TNS1: variants seen among roughly 807,000 people sequenced by gnomAD.
The protein encoded by TNS1 is tensin-1.
TNS1 carries 62 observed loss-of-function variants against 168.6 expected under a neutral mutation model. The observed-to-expected ratio is 0.37, with a 90% CI of 0.30 to 0.45. The LOEUF (loss-of-function observed/expected upper bound fraction) is 0.45, where lower values mean the gene tolerates loss of function less well. Ranked by LOEUF, TNS1 falls within the 20% of genes least tolerant of loss-of-function variation. TNS1 has a pLI of 1.00. For synonymous variants in TNS1, 934 were observed against 933.2 expected (o/e 1.00, Z -0.02); for missense variants, 2,240 against 2,339.4 (o/e 0.96, Z 0.88).
intron 2 of TNS1, among the ~76,000 whole-genome samples, chr2:217,988,889 T>G (rs1200833262): frequency 6.6e-6 from 1 of 152,146 alleles, no homozygotes; most frequent in Non-Finnish European, 1.5e-5. Context: ...TTGGGGGGTG[T>G]GACCATCAGA....
At chr2:217,957,862 A>T (rs1017510412) in intron 3 of TNS1, among the ~76,000 whole-genome samples, 1 of 141,752 alleles carries the variant, frequency 7.1e-6, no homozygotes, top group Non-Finnish European at 1.5e-5. Context: ...AAAAAAAAAA[A>T]GGTGGGGAGA....
chr2:217,818,010 G>A lies in TNS1; in HGVS notation c.4322C>T (p.Ser1441Phe). The A allele has an allele frequency of 6.3e-7, 1 of 1,597,802 alleles. No homozygotes were observed. Among genetic ancestry groups the A allele is most frequent in the Non-Finnish European group, 8.5e-7 (1 of 1,172,156 alleles). The change falls in exon 24 of 33, where the codon TCC becomes TTC. Residue 1441 changes from serine to phenylalanine, a missense_variant. Physicochemically the swap from Ser to Phe is radical, Grantham distance 155. Around this residue, in one of 2 missense-constraint regions of TNS1, gnomAD observed 2,131 missense variants for 2,171.2 expected, o/e 0.98. Coordinates refer to ENST00000682258, the MANE Select transcript of TNS1 (RefSeq NM_001387777.1). ...GTAGCCAGAGGCACTGCTCTGCCGG[G>A]ACAGTGTGGGTCTCCGATCCTCCGG... ...STPEDRRPTL[S>F]RQSSASGYQA... is the part of the protein sequence containing the mutation.
intron 8 of TNS1, among the ~76,000 whole-genome samples, chr2:217,897,278 G>A (rs866287377): frequency 6.6e-6 from 1 of 152,174 alleles, no homozygotes; most frequent in African/African-American, 2.4e-5. Context: ...GGGCCAGGCC[G>A]AGCCAGGTGC....
intron 18 of TNS1, among the ~76,000 whole-genome samples, chr2:217,870,068 C>T (rs758957492): frequency 5.9e-5 from 9 of 151,858 alleles, no homozygotes; most frequent in South Asian, 2.1e-4. Flanking sequence ...CTTTGAACAA[C>T]GTTGTTATGC....
Position 217,834,667 on chromosome 2 carries a change from A to C in TNS1, c.3280+424T>G, listed in dbSNP as rs553611421. Among the ~76,000 whole-genome samples the C allele has an allele frequency of 7.9e-5, 12 of 152,244 alleles. No individual in the cohort carries two copies. The East Asian group carries it at 2.3e-3, about 30-fold the overall frequency. On this transcript the variant is annotated intron_variant, in intron 21 of 32. Coordinates refer to ENST00000682258, the MANE Select transcript of TNS1 (RefSeq NM_001387777.1). Reference sequence around the variant, plus strand: ...GTCCCTCTCTCCTTGGTAGAAGCTAAATAGGTTGCCTGGAATGGAAGAGGT... The same window carrying C: ...GTCCCTCTCTCCTTGGTAGAAGCTACATAGGTTGCCTGGAATGGAAGAGGT...
At position 217,818,282 on chromosome 2, in the gene TNS1, C is replaced by G; in HGVS notation, c.4050G>C (p.Leu1350=). ...SAATTPGSPS[L]CRHPAGVYQV... is the part of the protein sequence containing the mutation. ...GGTAGACCCCTGCTGGGTGCCGACA[C>G]AGGCTGGGGCTCCCCGGGGTGGTCG... Residue 1350 remains leucine, a synonymous_variant, in exon 24 of 33, where the codon CTG becomes CTC. Coordinates refer to ENST00000682258, the MANE Select transcript of TNS1 (RefSeq NM_001387777.1). The G allele has an allele frequency of 6.2e-7, 1 of 1,613,430 alleles. No individual in the cohort carries two copies. The highest frequency in any genetic ancestry group is 8.5e-7 in the Non-Finnish European group (1 of 1,179,652).
intron 1 of TNS1, among the ~76,000 whole-genome samples, chr2:218,008,672 G>T (rs956254391): frequency 6.6e-6 from 1 of 152,214 alleles, no homozygotes; most frequent in Non-Finnish European, 1.5e-5. Flanking sequence ...TCCCCACTGC[G>T]GAACAGCAGA....
intron 3 of TNS1, among the ~76,000 whole-genome samples, chr2:217,930,932 G>A (rs1956288226): frequency 6.6e-6 from 1 of 152,140 alleles, no homozygotes; most frequent in Admixed American, 6.5e-5. Context: ...GAAGTTCCTA[G>A]AAGAGCTGCT....
At chr2:217,907,152 C>G in intron 5 of TNS1, 58 bp downstream of exon 5, 1 of 701,588 alleles carries the variant, frequency 1.4e-6, no homozygotes, top group East Asian at 2.7e-5. Flanking sequence ...CCACTTCCAG[C>G]CTTCTCACAC....
At chr2:217,832,405 G>T (rs540764743) in intron 21 of TNS1, among the ~76,000 whole-genome samples, 2 of 152,206 alleles carry the variant, frequency 1.3e-5, no homozygotes, top group Non-Finnish European at 2.9e-5. Context: ...GCCCAGTCAC[G>T]AGATACCTGG....
intron 4 of TNS1, among the ~76,000 whole-genome samples, chr2:217,907,896 G>A (rs971673028): frequency 1.3e-5 from 2 of 152,148 alleles, no homozygotes; most frequent in Non-Finnish European, 2.9e-5. Context: ...CTTATGGAAT[G>A]CTTTCCCTTC....
intron 3 of TNS1, among the ~76,000 whole-genome samples, chr2:217,954,127 C>A (rs914873197): frequency 1.3e-5 from 2 of 152,168 alleles, no homozygotes; most frequent in African/African-American, 2.4e-5. Flanking sequence ...TCCAGCCTGG[C>A]GAGGTGCTGC....
chr2:217,903,889 T>C, intron 6 of TNS1: 1 of 450,552 alleles, frequency 2.2e-6, no homozygotes, highest in Non-Finnish European at 3.9e-6. Context: ...ACCTCCAGCC[T>C]TGGGTGGGGT....
chr2:217,886,484 G>A (rs760262574), intron 13 of TNS1, 50 bp downstream of exon 13: 1 of 1,425,698 alleles, frequency 7.0e-7, no homozygotes, highest in Non-Finnish European at 9.7e-7. Context: ...GATGGAAGAT[G>A]AAAGGGAGGA....
intron 23 of TNS1, 137 bp downstream of exon 23, chr2:217,821,603 G>A: frequency 1.2e-6 from 1 of 843,144 alleles, no homozygotes; most frequent in Non-Finnish European, 1.7e-6. Flanking sequence ...TGATGAACTG[G>A]TTTGCAAGGT....
intron 25 of TNS1, among the ~76,000 whole-genome samples, chr2:217,814,468 T>A (rs1466661288): frequency 5.3e-4 from 81 of 152,140 alleles, no homozygotes; most frequent in Non-Finnish European, 5.9e-5. Flanking sequence ...CCAGTAAAAC[T>A]TCATTTACAA....
At chr2:217,982,041 G>A (rs1958064092) in intron 2 of TNS1, among the ~76,000 whole-genome samples, 1 of 152,202 alleles carries the variant, frequency 6.6e-6, no homozygotes, top group Non-Finnish European at 1.5e-5. Flanking sequence ...TGACTTCTGA[G>A]GCTAAACCAT....
At chr2:217,979,902 C>G (rs956810588) in intron 2 of TNS1, among the ~76,000 whole-genome samples, 7 of 152,122 alleles carry the variant, frequency 4.6e-5, no homozygotes, top group African/African-American at 1.7e-4. Flanking sequence ...ATCTATTGCA[C>G]CCCACCCCCT....
rs1317881895 is a variant in TNS1 at position 217,995,885 on chromosome 2, C to G, written c.34-4829G>C. ...CAGAGCTCTAGCCCCCACCCTGCCA[C>G]CAGCCCACCCAGCATCAGAGGGCTT... On this transcript the variant is annotated intron_variant, in intron 1 of 32. Transcript: ENST00000682258. This position sits in a 1 kb window ranked among gnomAD's most constrained non-coding sequence, Gnocchi z 4.1. 6.6e-6 allele frequency among the ~76,000 whole-genome samples: 1 copy of G among 152,224 alleles called. No homozygotes were observed. Among genetic ancestry groups the G allele is most frequent in the Non-Finnish European group, 1.5e-5 (1 of 68,042 alleles).
Sources: gnomAD v4.1 joint callset for allele counts (sites outside exome capture counted in the v4.1 genomes callset) on GRCh38, gnomAD v4.1.1 for gene constraint, gnomAD v4.1.1 regional missense constraint, Gnocchi (gnomAD v3.1) non-coding constraint, MANE v1.5 for transcripts, NCBI Gene and HGNC (gene_info 2026-07-23, HGNC 2026-07-21) for gene names.